CTDSPL2: variants seen among roughly 807,000 people sequenced by gnomAD.
The protein encoded by CTDSPL2 is CTD small phosphatase-like protein 2.
CTDSPL2 carries 5 observed loss-of-function variants against 60.0 expected under a neutral mutation model. The ratio of observed to expected loss-of-function variants is 0.08; its 90% CI spans 0.04 to 0.18. CTDSPL2 has a LOEUF of 0.18. CTDSPL2 is among the 10% of genes least tolerant of loss of function. CTDSPL2 has a pLI of 1.00. For missense variants in CTDSPL2, 370 were observed against 548.8 expected, an observed-to-expected ratio of 0.67 and a Z score of 3.26; for synonymous variants, 186 against 189.3, an observed-to-expected ratio of 0.98 and a Z score of 0.14.
intron 1 of CTDSPL2, among the ~76,000 whole-genome samples, chr15:44,452,303 T>A (rs1207245755): frequency 1.3e-5 from 2 of 152,178 alleles, no homozygotes; most frequent in African/African-American, 4.8e-5. Flanking sequence ...TTATTAAATA[T>A]GTATTATTTT....
At chr15:44,488,841 AAAAC>A (rs1040912268) in intron 4 of CTDSPL2, among the ~76,000 whole-genome samples, 2 of 152,096 alleles carry the variant, frequency 1.3e-5, no homozygotes, top group Non-Finnish European at 2.9e-5. Context: ...CAAAACAAAA[AAAAC>A]AAACCCCAGT....
intron 10 of CTDSPL2, among the ~76,000 whole-genome samples, chr15:44,518,227 G>C (rs2081693397): frequency 6.6e-6 from 1 of 152,102 alleles, no homozygotes; most frequent in Admixed American, 6.5e-5. Context: ...ACACAAGGAA[G>C]ACAACTTACC....
chr15:44,499,877 G>C, intron 8 of CTDSPL2, 64 bp downstream of exon 8: 1 of 916,652 alleles, frequency 1.1e-6, no homozygotes, highest in Admixed American at 2.0e-5. Flanking sequence ...AAAAACTTTT[G>C]TATTTTTTTT....
chr15:44,448,916 A>G (rs2080276766), intron 1 of CTDSPL2: 10 of 416,798 alleles, frequency 2.4e-5, no homozygotes, highest in South Asian at 1.7e-4. Context: ...GCTTCAGTGG[A>G]CTGTTCAAAA....
rs530578742 is a variant in CTDSPL2 at position 44,497,211 on chromosome 15, C to G, written c.882+73C>G. On this transcript the variant is annotated intron_variant, in intron 7 of 12. Coordinates refer to ENST00000260327, the MANE Select transcript of CTDSPL2 (RefSeq NM_016396.3). ...TTTTTTAGAATCATGCTTATGTTAG[C>G]TTTCCCTTTTTTTTGTCAGGATCAT... is the stretch of plus-strand genomic sequence containing the variant. 3.4e-6 allele frequency: 3 copies of G among 869,708 alleles called. No individual in the cohort carries two copies. In the Admixed American group the frequency reaches 7.3e-5, roughly 21 times the overall value. 53.9% of individuals were successfully genotyped at this position (869,708 alleles called of 1,614,324 possible).
intron 2 of CTDSPL2, 121 bp downstream of exon 2, chr15:44,459,321 A>G: frequency 3.5e-6 from 2 of 573,484 alleles, no homozygotes. Context: ...AGGTCAGGAG[A>G]TCGAGACCAT....
At chr15:44,469,457 G>A (rs1386820696) in intron 2 of CTDSPL2, among the ~76,000 whole-genome samples, 1 of 151,728 alleles carries the variant, frequency 6.6e-6, no homozygotes, top group Non-Finnish European at 1.5e-5. Flanking sequence ...GGTATTTAAA[G>A]GTATGAATTT....
chr15:44,480,876 T>C (rs2081014704), intron 2 of CTDSPL2, among the ~76,000 whole-genome samples: 1 of 152,108 alleles, frequency 6.6e-6, no homozygotes, highest in Non-Finnish European at 1.5e-5. Flanking sequence ...GAAGACATTG[T>C]AGGATTACTG....
chr15:44,465,014 C>A (rs1250735301), intron 2 of CTDSPL2, among the ~76,000 whole-genome samples: 4 of 151,454 alleles, frequency 2.6e-5, no homozygotes, highest in African/African-American at 9.7e-5. Context: ...CCAAGAAAAC[C>A]CTTTTAATTA....
At position 44,524,263 on chromosome 15, in the gene CTDSPL2, T is replaced by G; in HGVS notation, c.*89T>G. The G allele has an allele frequency of 9.2e-7, 1 of 1,085,996 alleles. No homozygotes were observed. 67.3% of individuals were successfully genotyped at this position (1,085,996 alleles called of 1,614,324 possible). Reference sequence around the variant, plus strand: ...AAACATTGCCATTACTGTTGAAATTTTGCATTTTTGTACCCCGTCTTGCTT... The same window carrying G: ...AAACATTGCCATTACTGTTGAAATTGTGCATTTTTGTACCCCGTCTTGCTT... On this transcript the variant is annotated 3_prime_UTR_variant, in exon 13 of 13. Transcript: ENST00000260327.
intron 2 of CTDSPL2, chr15:44,470,533 C>T (rs1435532624): frequency 2.0e-5 from 3 of 151,948 alleles, no homozygotes; most frequent in Admixed American, 6.6e-5. Context: ...CTGCAACCTC[C>T]ACCTCCTGGA....
chr15:44,510,893 A>T (rs1465578765), intron 8 of CTDSPL2, among the ~76,000 whole-genome samples: 1 of 152,190 alleles, frequency 6.6e-6, no homozygotes, highest in Non-Finnish European at 1.5e-5. Flanking sequence ...ATTTGTTCTT[A>T]CCAGACAGTA....
At position 44,521,937 on chromosome 15, in the gene CTDSPL2, C is replaced by CAAAAA. The variant is rs904398715; in HGVS notation, c.1335+553_1335+557dup. ...TGGGCGACAGAGCGAGACTCCGTCT[C>CAAAAA]AAAAAAAAAAAAAAAAAAAAAAAAA... On this transcript the variant is annotated intron_variant, in intron 12 of 12. Transcript: ENST00000260327. Among the ~76,000 whole-genome samples the CAAAAA allele has an allele frequency of 3.0e-4, 18 of 60,772 alleles. 3 individuals carry two copies. Among genetic ancestry groups the CAAAAA allele is most frequent in the Admixed American group, 1.2e-3 (4 of 3,372 alleles). The allele number at this position is 60,772 out of a possible 152,430, so 39.9% of individuals were successfully genotyped here.
chr15:44,461,570 T>TC (rs1241512306), intron 2 of CTDSPL2, among the ~76,000 whole-genome samples: 2 of 138,746 alleles, frequency 1.4e-5, no homozygotes, highest in Non-Finnish European at 1.6e-5. Flanking sequence ...AAAGTTTCTC[T>TC]CCCTTTTTTT....
chr15:44,444,866 T>TTTTTA (rs1567062074), intron 1 of CTDSPL2, among the ~76,000 whole-genome samples: 1 of 139,690 alleles, frequency 7.2e-6, no homozygotes, highest in South Asian at 2.3e-4. Context: ...TTTTTTTTTT[T>TTTTTA]AGACGGAGTC....
chr15:44,521,963 ACATGATG>A (rs1567107793), intron 12 of CTDSPL2, among the ~76,000 whole-genome samples: 1 of 144,156 alleles, frequency 6.9e-6, no homozygotes, highest in African/African-American at 2.6e-5. Context: ...AAAAAAAAAA[ACATGATG>A]ATGATGATGA....
intron 8 of CTDSPL2, among the ~76,000 whole-genome samples, chr15:44,502,976 T>G (rs2081404537): frequency 1.3e-5 from 2 of 152,114 alleles, no homozygotes; most frequent in Admixed American, 6.6e-5. Context: ...TTATTGTAAA[T>G]TAGTACCTTG....
intron 8 of CTDSPL2, among the ~76,000 whole-genome samples, chr15:44,510,403 AGTTT>A (rs2081546612): frequency 6.6e-6 from 1 of 152,204 alleles, no homozygotes; most frequent in Admixed American, 6.5e-5. Flanking sequence ...AATCTTGAAT[AGTTT>A]TTTAAATATA....
At chr15:44,517,708 G>C (rs899432147) in intron 10 of CTDSPL2, among the ~76,000 whole-genome samples, 1 of 152,316 alleles carries the variant, frequency 6.6e-6, no homozygotes, top group Non-Finnish European at 1.5e-5. Context: ...TACAGATTCA[G>C]TTGTCTCCTG....
Sources: allele counts gnomAD v4.1 joint callset (sites outside exome capture counted in the v4.1 genomes callset), GRCh38; gene constraint gnomAD v4.1.1; transcripts MANE v1.5; gene names NCBI Gene and HGNC (gene_info 2026-07-23, HGNC 2026-07-21).